CNTN1: variants seen among roughly 807,000 people sequenced by gnomAD.
The protein encoded by CNTN1 is contactin 1.
In CNTN1, 38 loss-of-function variants were observed where a neutral mutation model predicts 126.4. The ratio of observed to expected loss-of-function variants is 0.30; its 90% CI spans 0.23 to 0.39. The LOEUF (loss-of-function observed/expected upper bound fraction) is 0.39, where lower values mean the gene tolerates loss of function less well. Among genes scored for constraint, CNTN1 ranks in the 10% least tolerant of loss-of-function variants. CNTN1 has a pLI of 1.00. For missense variants in CNTN1, 1,009 were observed against 1,248.4 expected, an observed-to-expected ratio of 0.81 and a Z score of 2.89; for synonymous variants, 413 against 422.6, an observed-to-expected ratio of 0.98 and a Z score of 0.28.
At chr12:40,971,707 C>T in intron 15 of CNTN1, 1 of 1,356,328 alleles carries the variant, frequency 7.4e-7, no homozygotes, top group East Asian at 3.1e-5. Flanking sequence ...TAATGCTTCA[C>T]TAATACCTTA....
intron 1 of CNTN1, among the ~76,000 whole-genome samples, chr12:40,823,259 GA>G (rs1283961591): frequency 1.3e-5 from 2 of 151,992 alleles, no homozygotes; most frequent in Non-Finnish European, 2.9e-5. Flanking sequence ...AGAATGCAAG[GA>G]AAAAAATTTG....
intron 1 of CNTN1, chr12:40,763,008 A>G (rs1938926635): frequency 1.3e-5 from 2 of 152,156 alleles, no homozygotes; most frequent in African/African-American, 4.8e-5. Context: ...TGCGGTAACG[A>G]TTGAATTCTC....
At chr12:41,039,819 T>G (rs1488165541) in intron 23 of CNTN1, among the ~76,000 whole-genome samples, 1 of 152,094 alleles carries the variant, frequency 6.6e-6, no homozygotes, top group Non-Finnish European at 1.5e-5. Flanking sequence ...AAACAAGGAT[T>G]TATTACTTCT....
At chr12:40,974,202 G>A (rs536261969) in intron 15 of CNTN1, among the ~76,000 whole-genome samples, 1 of 152,094 alleles carries the variant, frequency 6.6e-6, no homozygotes, top group Admixed American at 6.6e-5. Flanking sequence ...ATCCAGGAAA[G>A]ATTACCAAAT....
chr12:40,883,400 C>G (rs1943935092), intron 1 of CNTN1, among the ~76,000 whole-genome samples: 1 of 151,628 alleles, frequency 6.6e-6, no homozygotes, highest in East Asian at 1.9e-4. Context: ...TTTCTCCAAA[C>G]TTAAAGCATA....
intron 3 of CNTN1, among the ~76,000 whole-genome samples, chr12:40,910,614 T>C (rs192654981): frequency 1.3e-5 from 2 of 152,312 alleles, no homozygotes; most frequent in Non-Finnish European, 2.9e-5. Flanking sequence ...CATGGTATAC[T>C]GGAAAAAATA....
At chr12:40,738,811 A>C (rs763021534) in intron 1 of CNTN1, among the ~76,000 whole-genome samples, 1 of 152,200 alleles carries the variant, frequency 6.6e-6, no homozygotes, top group South Asian at 2.1e-4. Flanking sequence ...ATTTGCAAAA[A>C]TTAAAAAGCA....
chr12:40,994,092 A>G (rs980890615), intron 17 of CNTN1, among the ~76,000 whole-genome samples: 3 of 152,136 alleles, frequency 2.0e-5, no homozygotes, highest in Admixed American at 2.0e-4. Flanking sequence ...ATAATTTAAG[A>G]CAGATCTTAT....
At chr12:40,735,804 A>T (rs924355980) in intron 1 of CNTN1, among the ~76,000 whole-genome samples, 5 of 152,092 alleles carry the variant, frequency 3.3e-5, no homozygotes, top group Non-Finnish European at 7.4e-5. Flanking sequence ...TTTCCAGAAC[A>T]TTGGGGGATG....
intron 1 of CNTN1, among the ~76,000 whole-genome samples, chr12:40,722,811 GC>G (rs1942251711): frequency 6.6e-6 from 1 of 152,082 alleles, no homozygotes; most frequent in Non-Finnish European, 1.5e-5. Context: ...CAAAACCACA[GC>G]CAGTAAGAAA....
At chr12:41,007,803 A>G (rs1948540292) in intron 17 of CNTN1, among the ~76,000 whole-genome samples, 1 of 152,166 alleles carries the variant, frequency 6.6e-6, no homozygotes, top group East Asian at 1.9e-4. Context: ...AAGGGAAGAG[A>G]AGATGGACCA....
Position 40,948,258 on chromosome 12 carries a change from CTTTTTTTTTTTTT to C in CNTN1, c.1683+4099_1683+4111del, listed in dbSNP as rs58087551. ...TTTGCTAGCTAGTTTTTCTTTCTTT[CTTTTTTTTTTTTT>C]TTTTTTTTTTGAGCCACAGATCTCA... On this transcript the variant is annotated intron_variant, in intron 14 of 23. Coordinates refer to ENST00000551295, the MANE Select transcript of CNTN1 (RefSeq NM_001843.4). 8.0e-5 allele frequency among the ~76,000 whole-genome samples: 5 copies of C among 62,694 alleles called. No homozygotes were observed. The Admixed American group carries it at 1.0e-3, about 13-fold the overall frequency. The allele number at this position is 62,694 out of a possible 152,430, so 41.1% of individuals were successfully genotyped here.
chr12:40,707,726 A>G (rs1565627522), intron 1 of CNTN1, among the ~76,000 whole-genome samples: 1 of 152,194 alleles, frequency 6.6e-6, no homozygotes, highest in African/African-American at 2.4e-5. Context: ...ATTTGTCTCT[A>G]AAGGAAGTGT....
At chr12:40,904,936 T>G (rs1944756001) in intron 1 of CNTN1, among the ~76,000 whole-genome samples, 1 of 152,214 alleles carries the variant, frequency 6.6e-6, no homozygotes, top group African/African-American at 2.4e-5. Context: ...ACTGAATACT[T>G]TCAGTCAACA....
intron 17 of CNTN1, among the ~76,000 whole-genome samples, chr12:41,008,206 G>C (rs190434321): frequency 1.2e-3 from 179 of 152,280 alleles, no homozygotes; most frequent in African/African-American, 3.8e-3. Context: ...ACCATTTGGA[G>C]TTTGATTGTT....
chr12:40,704,204 T>A (rs550479751), intron 1 of CNTN1, among the ~76,000 whole-genome samples: 2 of 152,276 alleles, frequency 1.3e-5, no homozygotes, highest in South Asian at 2.1e-4. Context: ...TTCATAATTA[T>A]TTTTTAGGAT....
At chr12:40,940,781 G>A (rs1343293803) in intron 12 of CNTN1, among the ~76,000 whole-genome samples, 3 of 152,102 alleles carry the variant, frequency 2.0e-5, no homozygotes, top group East Asian at 1.9e-4. Flanking sequence ...TTTGACCTCA[G>A]GGTTGTTAAG....
chr12:40,790,987 G>A (rs1423811495), intron 1 of CNTN1, among the ~76,000 whole-genome samples: 1 of 152,102 alleles, frequency 6.6e-6, no homozygotes, highest in Admixed American at 6.6e-5. Flanking sequence ...GTTTGTAAAA[G>A]AGAGGCTTTC....
At chr12:40,845,986 A>G (rs893244976) in intron 1 of CNTN1, among the ~76,000 whole-genome samples, 2 of 152,250 alleles carry the variant, frequency 1.3e-5, no homozygotes, top group Non-Finnish European at 2.9e-5. Context: ...AATGTGAATT[A>G]CATAGTGACT....
Sources: allele counts gnomAD v4.1 joint callset (sites outside exome capture counted in the v4.1 genomes callset), GRCh38; gene constraint gnomAD v4.1.1; transcripts MANE v1.5; gene names NCBI Gene and HGNC (gene_info 2026-07-23, HGNC 2026-07-21).